Variants in FBXW8 observed in about 807,000 individuals in gnomAD.
FBXW8 encodes F-box and WD repeat domain containing 8.
Under a neutral mutation model 65.3 loss-of-function variants are expected in FBXW8, and 57 were observed. The ratio of observed to expected loss-of-function variants is 0.87; its 90% CI spans 0.71 to 1.09. The LOEUF (loss-of-function observed/expected upper bound fraction) is 1.09, where lower values mean the gene tolerates loss of function less well. Among genes scored for constraint, FBXW8 ranks in the 50% least tolerant of loss-of-function variants. FBXW8 has a pLI of 0.00. For synonymous variants in FBXW8, 308 were observed against 330.2 expected, an observed-to-expected ratio of 0.93 and a Z score of 0.73; for missense variants, 777 against 814.8, an observed-to-expected ratio of 0.95 and a Z score of 0.57.
chr12:116,977,136 T>G (rs1884997516), intron 5 of FBXW8, among the ~76,000 whole-genome samples: 1 of 152,244 alleles, frequency 6.6e-6, no homozygotes, highest in South Asian at 2.1e-4. Context: ...CATTCTTATT[T>G]GGTGTTAGGT....
chr12:116,921,050 C>T (rs1245532906), intron 1 of FBXW8, among the ~76,000 whole-genome samples: 2 of 152,196 alleles, frequency 1.3e-5, no homozygotes, highest in African/African-American at 4.8e-5. Context: ...ACCACCACAC[C>T]CAGCCTCCTG....
chr12:116,972,840 G>A (rs1253388182), intron 5 of FBXW8, among the ~76,000 whole-genome samples: 2 of 152,150 alleles, frequency 1.3e-5, no homozygotes, highest in East Asian at 3.8e-4. Flanking sequence ...GTGTGTCCTG[G>A]CTTTGTTTGC....
At chr12:116,926,157 A>G (rs1332476553) in intron 1 of FBXW8, among the ~76,000 whole-genome samples, 1 of 152,234 alleles carries the variant, frequency 6.6e-6, no homozygotes, top group Non-Finnish European at 1.5e-5. Context: ...TCAGAATAGC[A>G]TCAAGTCCAG....
intron 8 of FBXW8, among the ~76,000 whole-genome samples, chr12:117,023,736 G>A (rs760590915): frequency 1.3e-5 from 2 of 152,184 alleles, no homozygotes; most frequent in East Asian, 1.9e-4. Context: ...GTCCTCACCC[G>A]GTTAGGATCT....
At chr12:117,003,174 T>A (rs1383836461) in intron 7 of FBXW8, 1 of 152,294 alleles carries the variant, frequency 6.6e-6, no homozygotes, top group African/African-American at 2.4e-5. Flanking sequence ...TGTTCATTTG[T>A]ATGCGTGAAG....
At chr12:116,972,734 T>C (rs1428297843) in intron 5 of FBXW8, among the ~76,000 whole-genome samples, 7 of 152,122 alleles carry the variant, frequency 4.6e-5, no homozygotes, top group Non-Finnish European at 1.0e-4. Context: ...TGGGGCTGGA[T>C]TGGAATAGGA....
intron 8 of FBXW8, among the ~76,000 whole-genome samples, chr12:117,016,138 G>C (rs1953942211): frequency 6.6e-6 from 1 of 152,304 alleles, no homozygotes; most frequent in African/African-American, 2.4e-5. Context: ...TCATTTATGT[G>C]TAAGTTTGTA....
At chr12:116,971,913 A>G (rs1884671573) in intron 5 of FBXW8, among the ~76,000 whole-genome samples, 1 of 152,216 alleles carries the variant, frequency 6.6e-6, no homozygotes, top group Admixed American at 6.5e-5. Flanking sequence ...GGAATCTACA[A>G]GCCCTCAAAG....
At chr12:116,922,933 C>G (rs1881018148) in intron 1 of FBXW8, among the ~76,000 whole-genome samples, 1 of 152,106 alleles carries the variant, frequency 6.6e-6, no homozygotes, top group Non-Finnish European at 1.5e-5. Context: ...GTGCTTGAGG[C>G]CGGGTGCAGT....
At chr12:117,018,531 C>T (rs1565944293) in intron 8 of FBXW8, among the ~76,000 whole-genome samples, 1 of 152,350 alleles carries the variant, frequency 6.6e-6, no homozygotes, top group East Asian at 1.9e-4. Flanking sequence ...GAGGCAGATA[C>T]CTGTTTCTTC....
At chr12:117,010,810 G>A (rs1355424653) in intron 8 of FBXW8, among the ~76,000 whole-genome samples, 1 of 152,206 alleles carries the variant, frequency 6.6e-6, no homozygotes, top group African/African-American at 2.4e-5. Flanking sequence ...TAACCTAAGG[G>A]ATGAATCATG....
intron 2 of FBXW8, among the ~76,000 whole-genome samples, chr12:116,939,199 A>C (rs953596022): frequency 2.0e-5 from 3 of 152,192 alleles, no homozygotes; most frequent in African/African-American, 7.2e-5. Flanking sequence ...AAAAATCCCA[A>C]ATCCCAAATG....
intron 7 of FBXW8, among the ~76,000 whole-genome samples, chr12:116,999,702 C>G (rs1953464142): frequency 6.6e-6 from 1 of 152,156 alleles, no homozygotes. Flanking sequence ...GCCTGGCCTT[C>G]TAGACTGTGG....
chr12:116,992,021 T>A (rs1302328475), intron 7 of FBXW8, among the ~76,000 whole-genome samples: 1 of 152,172 alleles, frequency 6.6e-6, no homozygotes, highest in East Asian at 1.9e-4. Context: ...AATACTGAGC[T>A]CCAGTAGTGT....
At chr12:116,943,228 T>A (rs78989151) in intron 2 of FBXW8, among the ~76,000 whole-genome samples, 2,301 of 152,352 alleles carry the variant, frequency 0.015, 52 homozygotes, top group African/African-American at 0.046. Flanking sequence ...TTCTGTTGAC[T>A]GCCTTTTCCC....
chr12:117,018,106 T>A (rs1954002772), intron 8 of FBXW8, among the ~76,000 whole-genome samples: 1 of 152,200 alleles, frequency 6.6e-6, no homozygotes. Context: ...GCCCATCAGA[T>A]GGATGCTCCT....
chr12:116,929,478 A>G (rs1400386958), intron 2 of FBXW8, among the ~76,000 whole-genome samples: 1 of 147,246 alleles, frequency 6.8e-6, no homozygotes, highest in Admixed American at 6.8e-5. Flanking sequence ...CAAGTAATCC[A>G]CCCACCTCAG....
chr12:116,984,263 C>T (rs1475813928), intron 5 of FBXW8, among the ~76,000 whole-genome samples: 5 of 152,138 alleles, frequency 3.3e-5, no homozygotes, highest in African/African-American at 1.2e-4. Flanking sequence ...AGTGGACATC[C>T]CCAGAGTTAC....
At chr12:116,994,351 T>C (rs996820378) in intron 7 of FBXW8, among the ~76,000 whole-genome samples, 2 of 152,176 alleles carry the variant, frequency 1.3e-5, no homozygotes, top group African/African-American at 2.4e-5. Flanking sequence ...CATAGACCAA[T>C]GGAACAGAAA....
Sources: allele counts gnomAD v4.1 joint callset (sites outside exome capture counted in the v4.1 genomes callset), GRCh38; gene constraint gnomAD v4.1.1; transcripts MANE v1.5; gene names NCBI Gene and HGNC (gene_info 2026-07-23, HGNC 2026-07-21).